Variants in CES5A observed in about 807,000 individuals in gnomAD.
CES5A encodes the protein carboxylesterase 5.
In CES5A, 67 loss-of-function variants were observed where a neutral mutation model predicts 62.9. That is an observed-to-expected ratio of 1.07 (90% CI 0.88 to 1.31). CES5A has a LOEUF of 1.31. Ranked by LOEUF, CES5A falls within the 50% of genes most tolerant of loss-of-function variation. The probability of loss-of-function intolerance (pLI) is 0.00; values close to 1 mark genes in which losing one functional copy is unlikely to be tolerated. For missense variants in CES5A, 748 were observed against 708.5 expected, an observed-to-expected ratio of 1.06 and a Z score of -0.63; for synonymous variants, 296 against 280.8, an observed-to-expected ratio of 1.05 and a Z score of -0.54.
Position 55,871,654 on chromosome 16 carries a change from C to A in CES5A, c.388G>T (p.Ala130Ser). 1 of 1,614,144 alleles carries A rather than the reference C, an allele frequency of 6.2e-7. No homozygotes were observed. The highest frequency in any genetic ancestry group is 1.3e-5 in the African/African-American group (1 of 75,052). ...AGCTTGGAGCCTGTATCGGCGTGGG[C>A]AGGCGCATAGATGTTCAGGTAGAGG... The part of the protein sequence containing the change: ...DCLYLNIYAP[A>S]HADTGSKLPV... The change falls in exon 3 of 13, where the codon GCC (alanine) becomes TCC (serine). Residue 130 changes from alanine to serine, a missense_variant. Transcript: ENST00000290567.
intron 9 of CES5A, among the ~76,000 whole-genome samples, chr16:55,853,302 T>C (rs2033168415): frequency 6.6e-6 from 1 of 152,212 alleles, no homozygotes; most frequent in African/African-American, 2.4e-5. Flanking sequence ...ACCACAGGCT[T>C]CTCTCTCATG....
chr16:55,929,615 T>C (rs536045491), upstream of CES5A, among the ~76,000 whole-genome samples: 16 of 152,188 alleles, frequency 1.1e-4, no homozygotes, highest in Non-Finnish European at 1.9e-4. Context: ...AGATAAATAC[T>C]ATTTTCATGC....
intron 11 of CES5A, among the ~76,000 whole-genome samples, chr16:55,848,128 C>T (rs895033986): frequency 4.6e-5 from 7 of 151,782 alleles, no homozygotes; most frequent in Non-Finnish European, 7.4e-5. Flanking sequence ...ATTTTTGAGA[C>T]GGGAGTCTCA....
chr16:55,851,135 A>G (rs948073908), intron 10 of CES5A, among the ~76,000 whole-genome samples: 3 of 152,200 alleles, frequency 2.0e-5, no homozygotes, highest in African/African-American at 7.2e-5. Context: ...AAGTGAATGA[A>G]TTCTATTTCA....
intron 8 of CES5A, among the ~76,000 whole-genome samples, chr16:55,857,499 T>G (rs1409580270): frequency 6.6e-6 from 1 of 152,224 alleles, no homozygotes; most frequent in Non-Finnish European, 1.5e-5. Context: ...AAATGAATAC[T>G]AGGGCAGTAC....
chr16:55,900,381 T>C (rs898434055), intron 1 of CES5A, among the ~76,000 whole-genome samples: 1 of 152,126 alleles, frequency 6.6e-6, no homozygotes, highest in Admixed American at 6.5e-5. Flanking sequence ...ACACACAACA[T>C]TGATCAAGAC....
chr16:55,887,089 C>G (rs2033824540), intron 1 of CES5A, among the ~76,000 whole-genome samples: 1 of 152,132 alleles, frequency 6.6e-6, no homozygotes, highest in Non-Finnish European at 1.5e-5. Flanking sequence ...AGTATATGCT[C>G]TATAATACTT....
intron 1 of CES5A, among the ~76,000 whole-genome samples, chr16:55,909,737 A>G (rs1299776285): frequency 5.9e-5 from 9 of 152,184 alleles, no homozygotes; most frequent in Admixed American, 5.2e-4. Flanking sequence ...ACCTAGCTCT[A>G]TGTCCGCTGC....
At chr16:55,896,402 G>T (rs1340102978) in intron 1 of CES5A, among the ~76,000 whole-genome samples, 1 of 152,138 alleles carries the variant, frequency 6.6e-6, no homozygotes, top group Non-Finnish European at 1.5e-5. Context: ...TCTTCTCTTT[G>T]TACATGCCTG....
At chr16:55,895,278 A>C (rs2033920538) in intron 1 of CES5A, among the ~76,000 whole-genome samples, 1 of 152,232 alleles carries the variant, frequency 6.6e-6, no homozygotes, top group Non-Finnish European at 1.5e-5. Flanking sequence ...AAAGACTTAA[A>C]TGTCCACAAT....
At chr16:55,889,035 A>T (rs1249346729) in intron 1 of CES5A, among the ~76,000 whole-genome samples, 1 of 152,036 alleles carries the variant, frequency 6.6e-6, no homozygotes, top group Non-Finnish European at 1.5e-5. Context: ...GGGGAGCTTT[A>T]CTCAAAAGTA....
chr16:55,871,841 C>A (rs117055708), intron 2 of CES5A, 78 bp from the exon 3 acceptor site: 3 of 1,509,138 alleles, frequency 2.0e-6, no homozygotes, highest in Non-Finnish European at 2.7e-6. Context: ...CTTCTGACAG[C>A]GGGGAGGCCT....
upstream of CES5A, among the ~76,000 whole-genome samples, chr16:55,926,759 G>T (rs2034261498): frequency 6.6e-6 from 1 of 152,170 alleles, no homozygotes; most frequent in Non-Finnish European, 1.5e-5. Context: ...ATAATAAGTA[G>T]ATGTTATTAT....
At chr16:55,905,338 T>A (rs569062205) in intron 1 of CES5A, among the ~76,000 whole-genome samples, 2 of 151,544 alleles carry the variant, frequency 1.3e-5, no homozygotes, top group East Asian at 3.9e-4. Context: ...ATCCACGTTA[T>A]CCTGGCACTC....
Position 55,853,003 on chromosome 16 carries a change from A to C in CES5A, c.1151T>G (p.Leu384Arg). The C allele has an allele frequency of 6.2e-7, 1 of 1,614,174 alleles. No homozygotes were observed. The highest frequency in any genetic ancestry group is 8.5e-7 in the Non-Finnish European group (1 of 1,180,032). ...ILHIPPQYLH[L>R]VANEYFHDKH... Reference sequence around the variant, plus strand: ...GTCATGGAAGTATTCATTAGCCACAAGGTGCAAATACTGAGGCGGGATGTG... The same window carrying C: ...GTCATGGAAGTATTCATTAGCCACACGGTGCAAATACTGAGGCGGGATGTG... The change falls in exon 10 of 13, where the codon CTT becomes CGT. Residue 384 changes from leucine (L) to arginine (R), a missense_variant. Coordinates refer to ENST00000290567, the MANE Select transcript of CES5A (RefSeq NM_001143685.2).
intron 6 of CES5A, among the ~76,000 whole-genome samples, chr16:55,863,069 C>T (rs780019801): frequency 3.9e-5 from 6 of 152,156 alleles, no homozygotes; most frequent in Non-Finnish European, 5.9e-5. Context: ...ATACAGGGGA[C>T]TGACTTATCT....
At chr16:55,936,504 G>C (rs1412226320) in intron 2 of CES5A, among the ~76,000 whole-genome samples, 1 of 152,184 alleles carries the variant, frequency 6.6e-6, no homozygotes, top group African/African-American at 2.4e-5. Flanking sequence ...TATCTTTTCT[G>C]TTGGACCCAA....
At chr16:55,856,269 A>C (rs2033240602) in intron 9 of CES5A, 108 bp downstream of exon 9, 2 of 905,942 alleles carry the variant, frequency 2.2e-6, no homozygotes, top group East Asian at 4.8e-5. Flanking sequence ...TGAATGACTG[A>C]GTGAGTGAGG....
intron 11 of CES5A, among the ~76,000 whole-genome samples, chr16:55,849,132 T>C (rs992045876): frequency 2.0e-5 from 3 of 152,208 alleles, no homozygotes. Context: ...AGGCACCAAA[T>C]ATGTCATAAA....
Sources: allele counts gnomAD v4.1 joint callset (sites outside exome capture counted in the v4.1 genomes callset), GRCh38; gene constraint gnomAD v4.1.1; transcripts MANE v1.5; gene names NCBI Gene and HGNC (gene_info 2026-07-23, HGNC 2026-07-21).